SOD2: variants seen among roughly 807,000 people sequenced by gnomAD.
SOD2 encodes superoxide dismutase [Mn], mitochondrial.
Under a neutral mutation model 27.0 loss-of-function variants are expected in SOD2, and 11 were observed. The ratio of observed to expected loss-of-function variants is 0.41; its 90% CI spans 0.26 to 0.67. SOD2 has a LOEUF of 0.67. Ranked by LOEUF, SOD2 falls within the 30% of genes least tolerant of loss-of-function variation. SOD2 has a pLI of 0.34. For missense variants in SOD2, 250 were observed against 274.5 expected, an observed-to-expected ratio of 0.91 and a Z score of 0.63; for synonymous variants, 105 against 103.0, an observed-to-expected ratio of 1.02 and a Z score of -0.12.
chr6:159,751,456 G>A (rs1345156305), intron 1 of SOD2, among the ~76,000 whole-genome samples: 1 of 152,180 alleles, frequency 6.6e-6, no homozygotes, highest in African/African-American at 2.4e-5. Flanking sequence ...CAGTAAAGTG[G>A]AAGGAATTCC....
At chr6:159,717,921 GTGTGTGTATA>G (rs777126695) in intron 1 of SOD2, among the ~76,000 whole-genome samples, 237 of 140,916 alleles carry the variant, frequency 1.7e-3, no homozygotes, top group Non-Finnish European at 3.2e-3. Context: ...GTGTGTGTGT[GTGTGTGTATA>G]TGTGTATATA....
At chr6:159,712,120 C>T (rs1344778189) in intron 1 of SOD2, among the ~76,000 whole-genome samples, 2 of 39,642 alleles carry the variant, frequency 5.0e-5, no homozygotes, top group Non-Finnish European at 1.3e-4. Context: ...GCTGCTCAGA[C>T]CTCCATAACC....
chr6:159,698,310 A>AC (rs1777463494), intron 1 of SOD2, among the ~76,000 whole-genome samples: 6 of 151,292 alleles, frequency 4.0e-5, no homozygotes, highest in Admixed American at 3.3e-4. Flanking sequence ...ACAAAACAAA[A>AC]AAAACACTTG....
chr6:159,712,651 C>A (rs1777844709), intron 1 of SOD2: 3 of 328,192 alleles, frequency 9.1e-6, no homozygotes, highest in Admixed American at 6.9e-5. Flanking sequence ...CCACCACTCA[C>A]AATGCTCTGA....
intron 1 of SOD2, among the ~76,000 whole-genome samples, chr6:159,757,886 GTGTAA>G (rs1286894233): frequency 1.3e-5 from 2 of 152,180 alleles, no homozygotes; most frequent in African/African-American, 4.8e-5. Flanking sequence ...TGTCCTGTTG[GTGTAA>G]TGTAATCAAG....
At chr6:159,754,983 A>G (rs777898956) in intron 1 of SOD2, 25 of 1,502,440 alleles carry the variant, frequency 1.7e-5, no homozygotes, top group South Asian at 1.2e-4. Flanking sequence ...ACATTTTTCA[A>G]TGTTATAAAC....
At chr6:159,741,996 A>G in intron 1 of SOD2, 1 of 907,650 alleles carries the variant, frequency 1.1e-6, no homozygotes, top group Non-Finnish European at 1.7e-6. Context: ...AATGCTCAGT[A>G]TTACTAAAAT....
At position 159,755,765 on chromosome 6, in the gene SOD2, C is replaced by CTTTTTTTTTTTT; in HGVS notation, c.-336+5260_-336+5271dup. The CTTTTTTTTTTTT allele has an allele frequency of 9.8e-5, 17 of 173,378 alleles. 2 individuals carry two copies. The highest frequency in any genetic ancestry group is 3.5e-4 in the African/African-American group (4 of 11,432). 10.7% of individuals were successfully genotyped at this position (173,378 alleles called of 1,614,324 possible). ...TTTTTCTTTGTTTTTTTTTTCTTTT[C>CTTTTTTTTTTTT]TTTTTTTTTTTTTTTTTTTTTTTTT... is the stretch of plus-strand genomic sequence containing the variant. On this transcript the variant is annotated intron_variant, in intron 1 of 7. Coordinates refer to the SOD2 transcript ENST00000546087.
intron 2 of SOD2, 90 bp downstream of exon 2, chr6:159,692,568 TCTC>T (rs919619603): frequency 7.7e-6 from 12 of 1,568,214 alleles, no homozygotes; most frequent in South Asian, 5.9e-5. Context: ...CGAAGCGAGT[TCTC>T]CTCCACGGAG....
At chr6:159,754,476 A>G (rs1398896788) in intron 1 of SOD2, among the ~76,000 whole-genome samples, 2 of 152,216 alleles carry the variant, frequency 1.3e-5, no homozygotes, top group East Asian at 1.9e-4. Context: ...GTAATCAGGC[A>G]TATGGCAAGA....
upstream of SOD2, among the ~76,000 whole-genome samples, chr6:159,693,667 G>A (rs1777354874): frequency 8.5e-5 from 13 of 152,218 alleles, no homozygotes. Context: ...GGGGGCCGCG[G>A]GGTCCAGAGG....
At chr6:159,713,952 C>G in intron 1 of SOD2, 1 of 843,666 alleles carries the variant, frequency 1.2e-6, no homozygotes, top group East Asian at 2.6e-5. Flanking sequence ...TGGACCTTCA[C>G]CACGAACCCC....
chr6:159,681,759 A>AGGTGG lies in SOD2; in HGVS notation c.*733_*734insCCACC, dbSNP rs1429264065. 3,260 of 152,284 alleles carry AGGTGG rather than the reference A, an allele frequency of 0.021. 74 individuals carry two copies. The highest frequency in any genetic ancestry group is 0.051 in the African/African-American group (2,113 of 41,536). The allele number at this position is 152,284 out of a possible 1,614,324, so 9.4% of individuals were successfully genotyped here. ...TCCTGAAATTTACCACTGCCTTTAA[A>AGGTGG]TACTCTAGCTTGTAGGTCATCATGG... On this transcript the variant is annotated 3_prime_UTR_variant, in exon 5 of 5. Coordinates refer to ENST00000538183, the MANE Select transcript of SOD2 (RefSeq NM_000636.4).
intron 1 of SOD2, among the ~76,000 whole-genome samples, chr6:159,725,066 C>T (rs909056630): frequency 5.9e-5 from 9 of 152,108 alleles, no homozygotes; most frequent in Admixed American, 1.3e-4. Flanking sequence ...TGCTCAGCTC[C>T]GGGACTTTAG....
chr6:159,685,316 C>T (rs1320737980), intron 3 of SOD2, among the ~76,000 whole-genome samples: 1 of 136,840 alleles, frequency 7.3e-6, no homozygotes, highest in African/African-American at 2.7e-5. Context: ...GATCTCGGGT[C>T]ACTGCAACCT....
At chr6:159,708,015 A>C (rs1255238736) in intron 1 of SOD2, among the ~76,000 whole-genome samples, 1 of 152,184 alleles carries the variant, frequency 6.6e-6, no homozygotes, top group African/African-American at 2.4e-5. Context: ...CAAAGACAAA[A>C]ACCACATGAT....
intron 1 of SOD2, chr6:159,739,099 ACT>A (rs1284219724): frequency 7.4e-7 from 1 of 1,357,564 alleles, no homozygotes; most frequent in Non-Finnish European, 1.0e-6. Context: ...TTATATTGTG[ACT>A]CTACACTGTA....
upstream of SOD2, among the ~76,000 whole-genome samples, chr6:159,693,617 C>T (rs1180307445): frequency 6.6e-6 from 1 of 152,188 alleles, no homozygotes; most frequent in Non-Finnish European, 1.5e-5. Context: ...CTGCACTAGG[C>T]GGCTGCGGCG....
chr6:159,748,650 G>C, upstream of SOD2: 2 of 1,283,234 alleles, frequency 1.6e-6, no homozygotes, highest in Non-Finnish European at 2.0e-6. The surrounding 1 kb of genome is among the most constrained non-coding windows in gnomAD (Gnocchi z 5.6). Context: ...TCCCCTTCTA[G>C]AACATGTAGA....
Sources: gnomAD v4.1 joint callset for allele counts (sites outside exome capture counted in the v4.1 genomes callset) on GRCh38, gnomAD v4.1.1 for gene constraint, Gnocchi (gnomAD v3.1) non-coding constraint, MANE v1.5 for transcripts, NCBI Gene and HGNC (gene_info 2026-07-23, HGNC 2026-07-21) for gene names.